COL9A1: variants seen among roughly 807,000 people sequenced by gnomAD.
COL9A1 encodes the protein collagen alpha-1(IX) chain.
Under a neutral mutation model 142.6 loss-of-function variants are expected in COL9A1, and 104 were observed. The observed-to-expected ratio is 0.73, with a 90% CI of 0.62 to 0.86. The LOEUF is 0.86. Among genes scored for constraint, COL9A1 ranks in the 40% least tolerant of loss-of-function variants. COL9A1 has a pLI of 0.00. For missense variants in COL9A1, 1,210 were observed against 1,176.6 expected (o/e 1.03, Z -0.42); for synonymous variants, 466 against 396.0 (o/e 1.18, Z -2.10).
At chr6:70,294,964 A>G (rs1224093007) in intron 4 of COL9A1, among the ~76,000 whole-genome samples, 1 of 152,248 alleles carries the variant, frequency 6.6e-6, no homozygotes. Context: ...AGGAATGTAA[A>G]TCAGCTGTAC....
intron 18 of COL9A1, among the ~76,000 whole-genome samples, chr6:70,265,292 C>A (rs1771938584): frequency 6.6e-6 from 1 of 151,958 alleles, no homozygotes; most frequent in African/African-American, 2.4e-5. Flanking sequence ...AGTGAAAATT[C>A]CCCAAAGGAA....
At chr6:70,228,946 G>T (rs1769387014) in intron 36 of COL9A1, among the ~76,000 whole-genome samples, 1 of 152,020 alleles carries the variant, frequency 6.6e-6, no homozygotes, top group African/African-American at 2.4e-5. Context: ...AATTCTGGAG[G>T]CTGGCAATGA....
At chr6:70,281,708 T>G (rs539962501) in intron 7 of COL9A1, among the ~76,000 whole-genome samples, 7 of 152,264 alleles carry the variant, frequency 4.6e-5, no homozygotes, top group African/African-American at 1.7e-4. Context: ...TGGGGGAGGC[T>G]TCACTGGTTC....
At chr6:70,242,906 A>C (rs1359224907) in intron 28 of COL9A1, among the ~76,000 whole-genome samples, 191 bp from the exon 29 acceptor site, 1 of 152,260 alleles carries the variant, frequency 6.6e-6, no homozygotes, top group Non-Finnish European at 1.5e-5. Flanking sequence ...CTGTGATTAC[A>C]GACGTTTAGA....
At chr6:70,275,039 T>C in intron 10 of COL9A1, 1 of 465,088 alleles carries the variant, frequency 2.2e-6, no homozygotes, top group Non-Finnish European at 3.9e-6. Context: ...GTTCAATAAT[T>C]CAGTGTTTTT....
At chr6:70,239,327 A>G (rs1463721484) in intron 32 of COL9A1, 41 bp from the exon 33 acceptor site, 2 of 1,300,722 alleles carry the variant, frequency 1.5e-6, no homozygotes, top group South Asian at 1.2e-5. Flanking sequence ...CAATGTATTC[A>G]CATTTGATAA....
intron 5 of COL9A1, 103 bp downstream of exon 5, chr6:70,294,064 T>C (rs1240057478): frequency 5.5e-6 from 8 of 1,455,238 alleles, no homozygotes; most frequent in Non-Finnish European, 7.7e-6. Flanking sequence ...AAATTCCATC[T>C]GGGACATGCT....
rs187291813 is a variant in COL9A1, at chr6:70,280,828, C to A, written c.959G>T (p.Gly320Val). 54 of 1,612,910 alleles carry A rather than the reference C, an allele frequency of 3.3e-5. 1 individual carries two copies. In the South Asian group the frequency reaches 5.7e-4, roughly 17 times the overall value. Residue 320 changes from glycine to valine, a missense_variant, in exon 10 of 38, where the codon GGC becomes GTC. Physicochemically the swap from Gly to Val is moderately radical, Grantham distance 109. Coordinates refer to ENST00000357250, the MANE Select transcript of COL9A1 (RefSeq NM_001851.6). ...PGKPGAPGKP[G>V]TPGADGLTGP... The stretch of plus-strand genomic sequence containing the variant: ...CCTACTCACATCAGCGCCAGGTGTG[C>A]CAGGCTTGCCTGGAGCTCCTGGCTT...
rs754624386 is a variant in COL9A1 at position 70,266,764 on chromosome 6, T to G, written c.1294A>C (p.Lys432Gln). 1 of 1,613,362 alleles carries G rather than the reference T, an allele frequency of 6.2e-7. No individual in the cohort carries two copies. Among genetic ancestry groups the G allele is most frequent in the East Asian group, 2.2e-5 (1 of 44,800 alleles). The change falls in exon 18 of 38, where the codon AAA becomes CAA. Residue 432 changes from lysine to glutamine, a missense_variant. Physicochemically the swap from Lys to Gln is moderately conservative, Grantham distance 53. Coordinates refer to ENST00000357250, the MANE Select transcript of COL9A1 (RefSeq NM_001851.6). ...TCACCAATTTCTCCTTTAGCCCCTT[T>G]ATGACCCTAACAAATGCAAAATAAG... is the stretch of plus-strand genomic sequence containing the variant. ...YPGLPGMRGHKGAKGEIGEPG... is the reference protein window; with the variant it reads ...YPGLPGMRGHQGAKGEIGEPG...
chr6:70,267,255 G>T (rs571624305), intron 17 of COL9A1, among the ~76,000 whole-genome samples: 1 of 152,068 alleles, frequency 6.6e-6, no homozygotes, highest in Non-Finnish European at 1.5e-5. Context: ...TGGTGTAAGT[G>T]GACTTTCTCG....
chr6:70,302,347 T>C (rs1398116968), intron 1 of COL9A1, among the ~76,000 whole-genome samples: 1 of 151,862 alleles, frequency 6.6e-6, no homozygotes, highest in Non-Finnish European at 1.5e-5. Flanking sequence ...GTAACTGGGA[T>C]TACAGGCACG....
At chr6:70,219,674 T>C (rs1221760832) in intron 37 of COL9A1, among the ~76,000 whole-genome samples, 1 of 152,200 alleles carries the variant, frequency 6.6e-6, no homozygotes. Context: ...GGAAAGTGGA[T>C]GCGGGCAGCA....
intron 33 of COL9A1, among the ~76,000 whole-genome samples, chr6:70,235,941 C>G (rs1769880157): frequency 6.6e-6 from 1 of 151,704 alleles, no homozygotes; most frequent in Admixed American, 6.6e-5. Context: ...GGTGAAACCC[C>G]TTCTCTACTA....
chr6:70,229,292 T>A (rs1769405477), intron 36 of COL9A1, among the ~76,000 whole-genome samples: 2 of 152,134 alleles, frequency 1.3e-5, no homozygotes, highest in South Asian at 4.1e-4. Context: ...TATTTTGAGA[T>A]GTACAAAAAC....
At chr6:70,247,943 G>A (rs1011025158) in intron 28 of COL9A1, among the ~76,000 whole-genome samples, 1 of 152,186 alleles carries the variant, frequency 6.6e-6, no homozygotes, top group Non-Finnish European at 1.5e-5. Context: ...CTGTCATTGA[G>A]GCTGTTGGTA....
Position 70,256,748 on chromosome 6 carries a change from G to A in COL9A1, c.1503+20C>T. 6.2e-7 allele frequency: 1 copy of A among 1,609,772 alleles called. No homozygotes were observed. Among genetic ancestry groups the A allele is most frequent in the Non-Finnish European group, 8.5e-7 (1 of 1,177,098 alleles). On this transcript the variant is annotated intron_variant, in intron 21 of 37. Transcript: ENST00000357250. ...AAAAAAAAATCTATCATTGGGTTTT[G>A]TGGAAGGAAAATCACTTACAGGTGC...
Position 70,274,916 on chromosome 6 carries a change from A to C in COL9A1, c.976-144T>G. ...AATATTTATAAAGAAATACCTTACTATAGTCTTACTCAAAAGTAAAGATTA... is the reference window on the plus strand; with the variant it reads ...AATATTTATAAAGAAATACCTTACTCTAGTCTTACTCAAAAGTAAAGATTA... On this transcript the variant is annotated intron_variant, in intron 10 of 37. Coordinates refer to ENST00000357250, the MANE Select transcript of COL9A1 (RefSeq NM_001851.6). The C allele has an allele frequency of 4.5e-6, 3 of 662,160 alleles. No individual in the cohort carries two copies. The South Asian group carries it at 5.4e-5, about 12-fold the overall frequency. The allele number at this position is 662,160 out of a possible 1,614,324, so 41.0% of individuals were successfully genotyped here. A position where few individuals can be genotyped will look rare whatever the true frequency, so the allele number is the denominator to read the frequency against.
At position 70,271,855 on chromosome 6, in the gene COL9A1, AATTACTTAAG is replaced by A. The variant is rs1383496807; in HGVS notation, c.1090-157_1090-148del. On this transcript the variant is annotated intron_variant, in intron 13 of 37. Transcript: ENST00000357250. ...ACAATAACTCATTTGACCAAACTTT[AATTACTTAAG>A]ATACAGCAGAAATTTCCTAAATTAA... 2.2e-5 allele frequency: 21 copies of A among 976,086 alleles called. No homozygotes were observed. The East Asian group carries it at 5.5e-4, about 26-fold the overall frequency. The allele number at this position is 976,086 out of a possible 1,614,324, so 60.5% of individuals were successfully genotyped here.
At chr6:70,237,883 T>C (rs929684096) in intron 33 of COL9A1, among the ~76,000 whole-genome samples, 2 of 152,290 alleles carry the variant, frequency 1.3e-5, no homozygotes, top group South Asian at 2.1e-4. Context: ...TGGGTCCTCC[T>C]GGAGAAAGTG....
Sources: gnomAD v4.1 joint callset for allele counts (sites outside exome capture counted in the v4.1 genomes callset) on GRCh38, gnomAD v4.1.1 for gene constraint, MANE v1.5 for transcripts, NCBI Gene and HGNC (gene_info 2026-07-23, HGNC 2026-07-21) for gene names.